The following PCCA variants were observed in gnomAD, a reference collection of about 807,000 sequenced individuals.
PCCA encodes the protein propionyl-CoA carboxylase subunit alpha.
A neutral mutation model predicts 101.3 loss-of-function variants in PCCA; 74 were observed. The observed-to-expected ratio is 0.73, with a 90% CI of 0.61 to 0.89. PCCA has a LOEUF of 0.89. PCCA is among the 40% of genes least tolerant of loss of function. PCCA has a pLI of 0.00. For synonymous variants in PCCA, 294 were observed against 313.6 expected, an observed-to-expected ratio of 0.94 and a Z score of 0.66; for missense variants, 891 against 907.0, an observed-to-expected ratio of 0.98 and a Z score of 0.23.
intron 1 of PCCA, among the ~76,000 whole-genome samples, chr13:100,100,868 A>C (rs1001212615): frequency 1.3e-5 from 2 of 150,976 alleles, no homozygotes; most frequent in Admixed American, 1.3e-4. Context: ...GCTCACTGCA[A>C]CCTCGGCTCA....
At chr13:100,356,591 A>G (rs1352664394) in intron 18 of PCCA, among the ~76,000 whole-genome samples, 2 of 152,164 alleles carry the variant, frequency 1.3e-5, no homozygotes, top group African/African-American at 4.8e-5. Flanking sequence ...ATGTGGAAAC[A>G]TGGGAACCAT....
chr13:100,276,373 G>A (rs568630131), intron 12 of PCCA, among the ~76,000 whole-genome samples: 2 of 152,042 alleles, frequency 1.3e-5, no homozygotes, highest in African/African-American at 4.8e-5. Flanking sequence ...CCTTTTGGTA[G>A]CATTTATTAA....
At chr13:100,133,426 A>G (rs1396269365) in intron 4 of PCCA, among the ~76,000 whole-genome samples, 1 of 151,946 alleles carries the variant, frequency 6.6e-6, no homozygotes, top group African/African-American at 2.4e-5. Flanking sequence ...CACTTTTTTC[A>G]TCTATAGGTT....
intron 4 of PCCA, among the ~76,000 whole-genome samples, chr13:100,124,670 T>G (rs1301594920): frequency 6.6e-6 from 1 of 152,094 alleles, no homozygotes; most frequent in Non-Finnish European, 1.5e-5. Flanking sequence ...CTGAACAAAC[T>G]GGAGGGTAAT....
intron 19 of PCCA, among the ~76,000 whole-genome samples, chr13:100,387,016 G>T (rs1175917083): frequency 1.3e-5 from 2 of 152,146 alleles, no homozygotes; most frequent in Non-Finnish European, 2.9e-5. Context: ...TACCTTTCAA[G>T]AAACTTCTGC....
chr13:100,441,140 C>T (rs2080335590), intron 20 of PCCA, among the ~76,000 whole-genome samples: 1 of 152,194 alleles, frequency 6.6e-6, no homozygotes. Context: ...CCCCTTCCCA[C>T]ACCCCCACAC....
At chr13:100,091,901 T>A (rs1326482874) in intron 1 of PCCA, among the ~76,000 whole-genome samples, 1 of 152,186 alleles carries the variant, frequency 6.6e-6, no homozygotes, top group Admixed American at 6.5e-5. Flanking sequence ...TGAACTCTTA[T>A]ATGCCTTGCA....
At chr13:100,373,496 C>T (rs775489512) in intron 19 of PCCA, among the ~76,000 whole-genome samples, 1 of 152,090 alleles carries the variant, frequency 6.6e-6, no homozygotes, top group Non-Finnish European at 1.5e-5. Flanking sequence ...AAGCCAGGCG[C>T]AAAAGGACAA....
rs200584700 is a variant in PCCA at position 100,232,005 on chromosome 13, G to A, written c.601-3837G>A. Among the ~76,000 whole-genome samples the A allele has an allele frequency of 5.3e-5, 8 of 152,010 alleles. No homozygotes were observed. The East Asian group carries it at 9.7e-4, about 18-fold the overall frequency. The stretch of plus-strand genomic sequence containing the variant: ...CTATGTACTCCAACTTGCTACCCCC[G>A]CCCCCAGTATATACTTTATTTTGCT... On this transcript the variant is annotated intron_variant, in intron 7 of 23. Transcript: ENST00000376285.
At chr13:100,415,240 A>C (rs1224003177) in intron 19 of PCCA, among the ~76,000 whole-genome samples, 2 of 7,990 alleles carry the variant, frequency 2.5e-4, no homozygotes, top group South Asian at 0.017. Context: ...ACACCTCTAC[A>C]AAAAAAAAAA....
intron 21 of PCCA, among the ~76,000 whole-genome samples, chr13:100,451,740 T>TCTC (rs1566342039): frequency 5.1e-5 from 3 of 59,268 alleles, no homozygotes; most frequent in African/African-American, 1.5e-4. Context: ...CTCTCTCTCT[T>TCTC]CTCTCCTTCC....
At chr13:100,340,578 C>T (rs1343923615) in intron 18 of PCCA, among the ~76,000 whole-genome samples, 2 of 151,952 alleles carry the variant, frequency 1.3e-5, no homozygotes, top group Non-Finnish European at 2.9e-5. Context: ...TCTTGAAAAA[C>T]GTTTGGAGAA....
At chr13:100,329,086 G>A (rs376119093) in intron 16 of PCCA, among the ~76,000 whole-genome samples, 6 of 151,032 alleles carry the variant, frequency 4.0e-5, no homozygotes, top group African/African-American at 9.8e-5. Flanking sequence ...ACATAATTGC[G>A]GTTTTTGCAT....
intron 7 of PCCA, among the ~76,000 whole-genome samples, chr13:100,223,590 G>C (rs561299302): frequency 3.9e-5 from 6 of 152,218 alleles, no homozygotes; most frequent in African/African-American, 1.4e-4. Context: ...TTATTGCAAA[G>C]AACTAAAGAA....
chr13:100,398,253 TA>T (rs2077147014), intron 19 of PCCA, among the ~76,000 whole-genome samples: 2 of 152,214 alleles, frequency 1.3e-5, no homozygotes, highest in Admixed American at 6.5e-5. Context: ...ACCAAAATTT[TA>T]ATCTAAATCA....
rs972231992 is a variant in PCCA at position 100,438,368 on chromosome 13, A to G, written c.1846-10884A>G. On this transcript the variant is annotated intron_variant, in intron 20 of 23. Coordinates refer to ENST00000376285, the MANE Select transcript of PCCA (RefSeq NM_000282.4). ...ATGAGGGCACACTATGTTGCCCAGA[A>G]CTCCTGGACTCCAGTGATCATCCCG... 2.0e-5 allele frequency among the ~76,000 whole-genome samples: 3 copies of G among 151,192 alleles called. No individual in the cohort carries two copies. The East Asian group carries it at 5.9e-4, about 30-fold the overall frequency.
In PCCA at chr13:100,268,716, T is replaced by G. The variant is rs911990330; in HGVS notation, c.847T>G (p.Leu283Val). The change falls in exon 11 of 24, where the codon TTA becomes GTA. Residue 283 changes from leucine to valine, a missense_variant. Coordinates refer to ENST00000376285, the MANE Select transcript of PCCA (RefSeq NM_000282.4). ...TCTAGGTGATAAACATGGGAATGCT[T>G]TATGGCTTAATGAAAGAGAGTGCTC... is the stretch of plus-strand genomic sequence containing the variant. ...QVLGDKHGNA[L>V]WLNERECSIQ... 6 of 1,614,064 alleles carry G rather than the reference T, an allele frequency of 3.7e-6. No homozygotes were observed. Among genetic ancestry groups the G allele is most frequent in the East Asian group, 2.2e-5 (1 of 44,882 alleles).
chr13:100,447,206 A>C (rs753384428), intron 20 of PCCA, among the ~76,000 whole-genome samples: 27 of 152,042 alleles, frequency 1.8e-4, no homozygotes, highest in Non-Finnish European at 3.2e-4. Flanking sequence ...AACATGGCAA[A>C]ACCCCATCTC....
chr13:100,181,134 A>T (rs953446538), intron 6 of PCCA, among the ~76,000 whole-genome samples: 2 of 152,328 alleles, frequency 1.3e-5, no homozygotes, highest in Non-Finnish European at 2.9e-5. Context: ...AAGCTGACTT[A>T]CAGAATAAGG....
Sources: gnomAD v4.1 joint callset for allele counts (sites outside exome capture counted in the v4.1 genomes callset) on GRCh38, gnomAD v4.1.1 for gene constraint, MANE v1.5 for transcripts, NCBI Gene and HGNC (gene_info 2026-07-23, HGNC 2026-07-21) for gene names.